EPB41L1: variants seen among roughly 807,000 people sequenced by gnomAD.
The protein encoded by EPB41L1 is band 4.1-like protein 1.
In EPB41L1, 29 loss-of-function variants were observed where a neutral mutation model predicts 97.8. The observed-to-expected ratio is 0.30, with a 90% CI of 0.22 to 0.40. The LOEUF (loss-of-function observed/expected upper bound fraction) is 0.40, where lower values mean the gene tolerates loss of function less well. EPB41L1 is among the 10% of genes least tolerant of loss of function. The pLI is 1.00. For missense variants in EPB41L1, 812 were observed against 1,162.3 expected, an observed-to-expected ratio of 0.70 and a Z score of 4.38; for synonymous variants, 383 against 459.2, an observed-to-expected ratio of 0.83 and a Z score of 2.12.
chr20:36,170,173 A>T (rs1466224205), intron 1 of EPB41L1, among the ~76,000 whole-genome samples: 1 of 152,082 alleles, frequency 6.6e-6, no homozygotes, highest in African/African-American at 2.4e-5. Context: ...TTTTTGATTT[A>T]TAAATTTTTA....
rs559906605 is a variant in EPB41L1, at chr20:36,209,437, C to T, written c.1669-51C>T. ...ATTCACCATCTTGATTTCTCTTTCT[C>T]TCTCTCTCCCCACCCCACATCCCCA... On this transcript the variant is annotated intron_variant, in intron 14 of 21. Coordinates refer to ENST00000338074, the MANE Select transcript of EPB41L1 (RefSeq NM_012156.2). The surrounding 1 kb of genome is among the most constrained non-coding windows in gnomAD (Gnocchi z 4.2). 3.2e-6 allele frequency: 5 copies of T among 1,584,104 alleles called. No homozygotes were observed. The Admixed American group carries it at 6.9e-5, about 22-fold the overall frequency.
intron 18 of EPB41L1, among the ~76,000 whole-genome samples, chr20:36,219,555 G>A (rs73289665): frequency 0.02 from 3,060 of 152,242 alleles, 72 homozygotes; most frequent in African/African-American, 0.056. Context: ...GAATCTTAGC[G>A]TCTAGGAATC....
At chr20:36,173,219 C>A (rs2061072996) in intron 1 of EPB41L1, among the ~76,000 whole-genome samples, 1 of 152,168 alleles carries the variant, frequency 6.6e-6, no homozygotes, top group Non-Finnish European at 1.5e-5. Flanking sequence ...TTTCAAGTTT[C>A]TTCCTGTCAT....
Position 36,218,687 on chromosome 20 carries a change from C to T in EPB41L1, c.2269-189C>T, listed in dbSNP as rs970385630. 5.3e-5 allele frequency among the ~76,000 whole-genome samples: 8 copies of T among 152,202 alleles called. No individual in the cohort carries two copies. The South Asian group carries it at 8.3e-4, about 16-fold the overall frequency. Reference sequence around the variant, plus strand: ...TTGAATGAGCGAGTGTGCAAGTGTGCGAGTGAACAAATGTGTGCCTGAGTG... The same window carrying T: ...TTGAATGAGCGAGTGTGCAAGTGTGTGAGTGAACAAATGTGTGCCTGAGTG... On this transcript the variant is annotated intron_variant, in intron 17 of 21. Coordinates refer to ENST00000338074, the MANE Select transcript of EPB41L1 (RefSeq NM_012156.2).
chr20:36,118,136 A>T (rs2147647760), intron 2 of EPB41L1, among the ~76,000 whole-genome samples: 1 of 152,346 alleles, frequency 6.6e-6, no homozygotes, highest in East Asian at 1.9e-4. Context: ...GGCAAGGCTA[A>T]GAAAAGGCTT....
intron 5 of EPB41L1, among the ~76,000 whole-genome samples, chr20:36,179,494 G>A (rs1263063042): frequency 6.6e-6 from 1 of 152,228 alleles, no homozygotes; most frequent in Non-Finnish European, 1.5e-5. Context: ...TGGGGTGAAG[G>A]CAGATGAGCA....
intron 1 of EPB41L1, among the ~76,000 whole-genome samples, chr20:36,096,584 C>T (rs926017209): frequency 3.3e-5 from 5 of 152,234 alleles, no homozygotes; most frequent in Non-Finnish European, 5.9e-5. Context: ...TCTTGATTAA[C>T]TCCCACTCTT....
intron 2 of EPB41L1, among the ~76,000 whole-genome samples, chr20:36,129,663 C>G (rs2059116156): frequency 6.6e-6 from 1 of 152,182 alleles, no homozygotes; most frequent in South Asian, 2.1e-4. Context: ...GTTGCTGCTC[C>G]TCTCCTTAAC....
Position 36,227,652 on chromosome 20 carries a change from T to A in EPB41L1, c.2638-1680T>A, listed in dbSNP as rs151111652. Among the ~76,000 whole-genome samples, 145 of 152,336 alleles carry A rather than the reference T, an allele frequency of 9.5e-4. 4 individuals are homozygous for A. In the East Asian group the frequency reaches 0.022, roughly 23 times the overall value. ...CACCAGCCTGGTGCCTGAGGCCCTG[T>A]CTCCATGAGGGTGTTTGTCTTACTG... On this transcript the variant is annotated intron_variant, in intron 21 of 21. Coordinates refer to ENST00000338074, the MANE Select transcript of EPB41L1 (RefSeq NM_012156.2).
chr20:36,206,262 G>C lies in EPB41L1; in HGVS notation c.1669-3226G>C, dbSNP rs763287734. The C allele has an allele frequency of 7.8e-7, 1 of 1,289,912 alleles. No individual in the cohort carries two copies. The highest frequency in any genetic ancestry group is 1.2e-5 in the South Asian group (1 of 81,030). 79.9% of individuals were successfully genotyped at this position (1,289,912 alleles called of 1,614,324 possible). A position where few individuals can be genotyped will look rare whatever the true frequency, so the allele number is the denominator to read the frequency against. Reference sequence around the variant, plus strand: ...ACCGCTGCATGTCAGATGGTCAGCCGGAGGGCCAGACAGAGCTGAGGAAGG... The same window carrying C: ...ACCGCTGCATGTCAGATGGTCAGCCCGAGGGCCAGACAGAGCTGAGGAAGG... On this transcript the variant is annotated intron_variant, in intron 14 of 21. Transcript: ENST00000338074. The surrounding 1 kb of genome is among the most constrained non-coding windows in gnomAD (Gnocchi z 5.5).
intron 14 of EPB41L1, among the ~76,000 whole-genome samples, chr20:36,204,471 CTTTTT>C (rs765673962): frequency 0.03 from 2,670 of 90,276 alleles, 86 homozygotes; most frequent in African/African-American, 0.15. Flanking sequence ...CGATCTGGTG[CTTTTT>C]TTTTTTTTTT....
At chr20:36,188,578 G>A (rs1600828500) in intron 9 of EPB41L1, 79 bp downstream of exon 9, 1 of 740,162 alleles carries the variant, frequency 1.4e-6, no homozygotes. Context: ...GGCCTGGACT[G>A]CCAACACACA....
At position 36,099,256 on chromosome 20, in the gene EPB41L1, T is replaced by TATG. The variant is rs199761696; in HGVS notation, c.-65+7646_-65+7648dup. 7.3e-3 allele frequency among the ~76,000 whole-genome samples: 1,110 copies of TATG among 152,244 alleles called. 13 individuals carry two copies. The highest frequency in any genetic ancestry group is 0.026 in the African/African-American group (1,069 of 41,538). ...CATGAGACTTGATCAAAATAACAGA[T>TATG]ATGAGCATGCCTAATGAGGTAGTAC... On this transcript the variant is annotated intron_variant, in intron 1 of 19. Transcript: ENST00000202028.
At chr20:36,188,014 A>T (rs1038790821) in intron 8 of EPB41L1, among the ~76,000 whole-genome samples, 1 of 152,216 alleles carries the variant, frequency 6.6e-6, no homozygotes, top group Non-Finnish European at 1.5e-5. Context: ...GGAAAGACGT[A>T]GGCCTTAGTT....
In EPB41L1 at chr20:36,185,330, A is replaced by G. The variant is rs1157741477; in HGVS notation, c.780A>G (p.Thr260=). The G allele has an allele frequency of 1.9e-6, 3 of 1,612,490 alleles. No individual in the cohort carries two copies. The highest frequency in any genetic ancestry group is 1.3e-5 in the African/African-American group (1 of 74,912). Residue 260 remains threonine (T), a synonymous_variant, in exon 7 of 22, where the codon ACA becomes ACG. Transcript: ENST00000338074. ...LEERIMELHK[T]YRGMTPGEAE... ...AGAGGATCATGGAGCTGCATAAGAC[A>G]TATAGGTAAGAGGGTGCCAGCCAGG...
intron 2 of EPB41L1, among the ~76,000 whole-genome samples, chr20:36,132,656 T>G (rs1336889348): frequency 6.6e-6 from 1 of 150,660 alleles, no homozygotes; most frequent in East Asian, 2.0e-4. Context: ...CTGCTGGAAT[T>G]GTACCACTAG....
intron 1 of EPB41L1, among the ~76,000 whole-genome samples, chr20:36,099,405 C>T (rs958085076): frequency 2.0e-5 from 3 of 152,140 alleles, no homozygotes; most frequent in African/African-American, 7.2e-5. Flanking sequence ...CATCATCCAG[C>T]CCTGCCTACT....
At chr20:36,136,589 C>CT (rs200537490) in intron 2 of EPB41L1, among the ~76,000 whole-genome samples, 163 of 143,180 alleles carry the variant, frequency 1.1e-3, no homozygotes, top group Middle Eastern at 3.6e-3. Context: ...TTTTTTCTTT[C>CT]TTTTTTTTTT....
At chr20:36,173,478 C>G (rs976089257) in intron 1 of EPB41L1, among the ~76,000 whole-genome samples, 9 of 152,130 alleles carry the variant, frequency 5.9e-5, no homozygotes, top group Non-Finnish European at 4.4e-5. Context: ...GAGCAGGGCT[C>G]CCTGGAAGGA....
Sources: gnomAD v4.1 joint callset for allele counts (sites outside exome capture counted in the v4.1 genomes callset) on GRCh38, gnomAD v4.1.1 for gene constraint, Gnocchi (gnomAD v3.1) non-coding constraint, MANE v1.5 for transcripts, NCBI Gene and HGNC (gene_info 2026-07-23, HGNC 2026-07-21) for gene names.